The following ANKRD33B variants were observed in gnomAD, a reference collection of about 807,000 sequenced individuals.
ANKRD33B encodes the protein ankyrin repeat domain 33B.
In ANKRD33B, 6 loss-of-function variants were observed where a neutral mutation model predicts 21.5. That is an observed-to-expected ratio of 0.28 (90% CI 0.15 to 0.55). The LOEUF (loss-of-function observed/expected upper bound fraction) is 0.55, where lower values mean the gene tolerates loss of function less well. ANKRD33B is among the 20% of genes least tolerant of loss of function. The pLI is 0.94. For synonymous variants in ANKRD33B, 347 were observed against 342.4 expected (o/e 1.01, Z -0.15); for missense variants, 698 against 747.2 (o/e 0.93, Z 0.77).
intron 1 of ANKRD33B, among the ~76,000 whole-genome samples, chr5:10,582,989 CTTT>C (rs5865896): frequency 1.4e-5 from 2 of 138,490 alleles, no homozygotes; most frequent in Non-Finnish European, 3.1e-5. Flanking sequence ...ATTGTCCCTG[CTTT>C]TTTTTTTTTT....
At chr5:10,586,182 C>A (rs1000746340) in intron 1 of ANKRD33B, among the ~76,000 whole-genome samples, 6 of 151,702 alleles carry the variant, frequency 4.0e-5, no homozygotes, top group African/African-American at 1.5e-4. Flanking sequence ...TTCCAGGACT[C>A]CCCCACCTAT....
chr5:10,627,990 A>G (rs1736617024), intron 2 of ANKRD33B: 1 of 152,270 alleles, frequency 6.6e-6, no homozygotes, highest in Non-Finnish European at 1.5e-5. Context: ...CTCCATCTGC[A>G]TGGTAAATGC....
At position 10,655,574 on chromosome 5, in the gene ANKRD33B, G is replaced by T. The variant is rs545486712; in HGVS notation, c.*5461G>T. 1 of 152,558 alleles carries T rather than the reference G, an allele frequency of 6.6e-6. No homozygotes were observed. Among genetic ancestry groups the T allele is most frequent in the African/African-American group, 2.4e-5 (1 of 41,582 alleles). The allele number at this position is 152,558 out of a possible 1,614,324, so 9.5% of individuals were successfully genotyped here. A position where few individuals can be genotyped will look rare whatever the true frequency, so the allele number is the denominator to read the frequency against. Reference sequence around the variant, plus strand: ...TTCCCCAGGTGCGCCGGAGACGCAGGCTTGCTCATTTCCGTCCTGACACAG... The same window carrying T: ...TTCCCCAGGTGCGCCGGAGACGCAGTCTTGCTCATTTCCGTCCTGACACAG... On this transcript the variant is annotated 3_prime_UTR_variant, in exon 4 of 4. Coordinates refer to ENST00000296657, the MANE Select transcript of ANKRD33B (RefSeq NM_001164440.2).
At chr5:10,569,699 T>G (rs1029695616) in intron 1 of ANKRD33B, among the ~76,000 whole-genome samples, 2 of 152,102 alleles carry the variant, frequency 1.3e-5, no homozygotes, top group East Asian at 3.9e-4. Context: ...GGAGGGCAAA[T>G]TGAGCAGAAT....
Position 10,650,018 on chromosome 5 carries a change from A to G in ANKRD33B, c.1390A>G (p.Lys464Glu), listed in dbSNP as rs1560990360. The change falls in exon 4 of 4, where the codon AAG (lysine) becomes GAG (glutamate). Residue 464 changes from lysine (K) to glutamate (E), a missense_variant. Physicochemically the swap from Lys to Glu is moderately conservative, Grantham distance 56. This residue lies in a region of ANKRD33B where 543 missense variants were observed against 566.5 expected (regional missense o/e 0.96). Coordinates refer to ENST00000296657, the MANE Select transcript of ANKRD33B (RefSeq NM_001164440.2). ...QIPKWRYKEA[K>E]EEKRKAEEAE... ...CCCCAAGTGGCGGTACAAGGAGGCC[A>G]AGGAGGAGAAGAGGAAGGCAGAGGA... The G allele has an allele frequency of 6.5e-7, 1 of 1,533,220 alleles. No individual in the cohort carries two copies. Among genetic ancestry groups the G allele is most frequent in the South Asian group, 1.2e-5 (1 of 83,870 alleles). The allele number at this position is 1,533,220 out of a possible 1,614,324, so 95.0% of individuals were successfully genotyped here.
At chr5:10,645,985 C>T (rs1004335747) in intron 3 of ANKRD33B, among the ~76,000 whole-genome samples, 6 of 152,128 alleles carry the variant, frequency 3.9e-5, no homozygotes, top group Admixed American at 3.3e-4. Flanking sequence ...TCAGGGATGC[C>T]GTTAAATGTT....
chr5:10,621,242 C>T (rs554295093), intron 2 of ANKRD33B, among the ~76,000 whole-genome samples: 25 of 152,254 alleles, frequency 1.6e-4, no homozygotes, highest in African/African-American at 5.3e-4. Context: ...CCAGCTGTAT[C>T]TTCAAGGAAT....
chr5:10,635,766 A>G (rs1281670585), intron 2 of ANKRD33B, among the ~76,000 whole-genome samples: 1 of 152,190 alleles, frequency 6.6e-6, no homozygotes, highest in Non-Finnish European at 1.5e-5. Flanking sequence ...AAAGGAGGAA[A>G]CTGGGTTCCA....
chr5:10,611,673 C>A (rs1351029832), intron 1 of ANKRD33B, among the ~76,000 whole-genome samples: 1 of 152,206 alleles, frequency 6.6e-6, no homozygotes, highest in East Asian at 1.9e-4. Context: ...CTGGGCCTGA[C>A]CTTTACCCTC....
intron 1 of ANKRD33B, among the ~76,000 whole-genome samples, chr5:10,566,461 C>G (rs1735061973): frequency 6.6e-6 from 1 of 152,162 alleles, no homozygotes; most frequent in Admixed American, 6.5e-5. Flanking sequence ...GGAAGCCTCA[C>G]CAAGCTCATA....
chr5:10,565,209 CCCCAGGTCCCTGGCAGGGGACCATT>C (rs1735020756), intron 1 of ANKRD33B, among the ~76,000 whole-genome samples: 1 of 152,230 alleles, frequency 6.6e-6, no homozygotes, highest in African/African-American at 2.4e-5. Flanking sequence ...TATTACCTTT[CCCCAGGTCCCTGGCAGGGGACCATT>C]CCTCCTCCCC....
At chr5:10,578,307 A>C (rs1436763499) in intron 1 of ANKRD33B, among the ~76,000 whole-genome samples, 1 of 152,238 alleles carries the variant, frequency 6.6e-6, no homozygotes, top group African/African-American at 2.4e-5. Flanking sequence ...TTGAGGCTGC[A>C]CACAGAGTGC....
intron 3 of ANKRD33B, among the ~76,000 whole-genome samples, chr5:10,648,526 G>A (rs1173035174): frequency 5.3e-5 from 8 of 152,166 alleles, no homozygotes; most frequent in African/African-American, 1.9e-4. Context: ...TTGGGAGGCC[G>A]AGGCGGGTGG....
chr5:10,592,183 C>T (rs1410295980), intron 1 of ANKRD33B, among the ~76,000 whole-genome samples: 1 of 152,014 alleles, frequency 6.6e-6, no homozygotes, highest in African/African-American at 2.4e-5. Flanking sequence ...ACATGTTCCC[C>T]TTTAAAGACA....
At chr5:10,626,735 A>G (rs1322910749) in intron 2 of ANKRD33B, among the ~76,000 whole-genome samples, 1 of 152,240 alleles carries the variant, frequency 6.6e-6, no homozygotes, top group African/African-American at 2.4e-5. Context: ...AAGAGGAGCA[A>G]ATCCCTGTCG....
chr5:10,591,359 A>AT (rs1431913833), intron 1 of ANKRD33B, among the ~76,000 whole-genome samples: 3 of 151,334 alleles, frequency 2.0e-5, no homozygotes, highest in Admixed American at 2.0e-4. Flanking sequence ...TGCCTGGCTA[A>AT]TTTTTTTTGT....
At chr5:10,589,758 T>C (rs1387366567) in intron 1 of ANKRD33B, among the ~76,000 whole-genome samples, 2 of 152,152 alleles carry the variant, frequency 1.3e-5, no homozygotes, top group African/African-American at 4.8e-5. Flanking sequence ...TTGTTTGGGG[T>C]TTATAGAGTT....
intron 1 of ANKRD33B, among the ~76,000 whole-genome samples, chr5:10,578,467 A>G (rs1391536222): frequency 3.3e-5 from 5 of 152,288 alleles, no homozygotes; most frequent in South Asian, 2.1e-4. Context: ...GGATTCTTTT[A>G]TCACACAAGA....
Position 10,649,801 on chromosome 5 carries a change from G to A in ANKRD33B, c.1173G>A (p.Leu391=). 7.2e-7 allele frequency: 1 copy of A among 1,393,358 alleles called. No homozygotes were observed. The highest frequency in any genetic ancestry group is 9.3e-7 in the Non-Finnish European group (1 of 1,079,838). 86.3% of individuals were successfully genotyped at this position (1,393,358 alleles called of 1,614,324 possible). ...CGAGAGCCGGCCTCCCTCCCGCCCT[G>A]GGGTCCCGGGGCCCCGCAGCGCCCG... ...GSPRAGLPPA[L]GSRGPAAPAP... is the part of the protein sequence containing the mutation. The change falls in exon 4 of 4, where the codon CTG becomes CTA. Residue 391 remains leucine (L), a synonymous_variant. Coordinates refer to ENST00000296657, the MANE Select transcript of ANKRD33B (RefSeq NM_001164440.2).
Sources: allele counts gnomAD v4.1 joint callset (sites outside exome capture counted in the v4.1 genomes callset), GRCh38; gene constraint gnomAD v4.1.1; regional missense constraint gnomAD v4.1.1; transcripts MANE v1.5; gene names NCBI Gene and HGNC (gene_info 2026-07-23, HGNC 2026-07-21).